Variants in ERI3 observed in about 807,000 individuals in gnomAD.
ERI3 encodes ERI1 exoribonuclease family member 3.
In ERI3, 18 loss-of-function variants were observed where a neutral mutation model predicts 44.4. The ratio of observed to expected loss-of-function variants is 0.41; its 90% CI spans 0.28 to 0.60. The LOEUF is 0.60. Among genes scored for constraint, ERI3 ranks in the 20% least tolerant of loss-of-function variants. ERI3 has a pLI of 0.36. For synonymous variants in ERI3, 183 were observed against 164.8 expected (o/e 1.11, Z -0.84); for missense variants, 294 against 435.5 (o/e 0.68, Z 2.89).
At chr1:44,296,084 GA>G (rs1435034209) in intron 6 of ERI3, among the ~76,000 whole-genome samples, 1 of 152,142 alleles carries the variant, frequency 6.6e-6, no homozygotes, top group African/African-American at 2.4e-5. Flanking sequence ...ATAGGCCCTA[GA>G]TTCCTTTATC....
At chr1:44,285,981 A>G (rs1645387046) in intron 6 of ERI3, among the ~76,000 whole-genome samples, 1 of 152,218 alleles carries the variant, frequency 6.6e-6, no homozygotes, top group South Asian at 2.1e-4. Flanking sequence ...AGAGAGAAAC[A>G]GTAGTGGAAA....
chr1:44,226,562 A>G (rs1416030010), intron 8 of ERI3, among the ~76,000 whole-genome samples: 1 of 152,034 alleles, frequency 6.6e-6, no homozygotes, highest in African/African-American at 2.4e-5. Flanking sequence ...AGGTAAGAGA[A>G]TTTTTAGGAA....
chr1:44,325,693 G>A (rs754304312), intron 3 of ERI3, among the ~76,000 whole-genome samples: 7 of 151,826 alleles, frequency 4.6e-5, no homozygotes, highest in Non-Finnish European at 8.8e-5. Flanking sequence ...ACAGGATTTC[G>A]CTCTGTCACC....
At chr1:44,354,818 C>T in intron 1 of ERI3, 74 bp downstream of exon 1, 1 of 1,307,156 alleles carries the variant, frequency 7.7e-7, no homozygotes, top group South Asian at 3.2e-5. Context: ...TGCATAAATT[C>T]TGCGCACCGC....
intron 7 of ERI3, among the ~76,000 whole-genome samples, chr1:44,258,537 C>A (rs143397209): frequency 4.6e-5 from 7 of 152,306 alleles, no homozygotes; most frequent in Non-Finnish European, 8.8e-5. Flanking sequence ...GTGCCAAGCC[C>A]TGTGCTGGGT....
Position 44,225,196 on chromosome 1 carries a change from G to A in ERI3, c.932-3556C>T, listed in dbSNP as rs138227170. On this transcript the variant is annotated intron_variant, in intron 8 of 8. Transcript: ENST00000372257. The stretch of plus-strand genomic sequence containing the variant: ...CATGAAGCTGCTGTAGGGTGGGAGT[G>A]AGGTGGCAGGGAGCACAGCCTTGCA... Among the ~76,000 whole-genome samples the A allele has an allele frequency of 2.7e-4, 41 of 152,256 alleles. No individual in the cohort carries two copies. In the South Asian group the frequency reaches 8.1e-3, roughly 30 times the overall value.
chr1:44,310,032 C>G (rs985849754), intron 5 of ERI3, among the ~76,000 whole-genome samples: 7 of 152,156 alleles, frequency 4.6e-5, no homozygotes, highest in Admixed American at 1.3e-4. Flanking sequence ...CAGTTTCCTT[C>G]ATCTATAAAA....
Position 44,221,448 on chromosome 1 carries a change from T to A in ERI3, c.*110A>T. 1.1e-6 allele frequency: 1 copy of A among 936,174 alleles called. No individual in the cohort carries two copies. Among genetic ancestry groups the A allele is most frequent in the Admixed American group, 2.1e-5 (1 of 48,468 alleles). The allele number at this position is 936,174 out of a possible 1,614,324, so 58.0% of individuals were successfully genotyped here. On this transcript the variant is annotated 3_prime_UTR_variant, in exon 9 of 9. Coordinates refer to ENST00000372257, the MANE Select transcript of ERI3 (RefSeq NM_024066.3). The surrounding 1 kb of genome is among the most constrained non-coding windows in gnomAD (Gnocchi z 5.9). ...GAGCCCACAGGGCAGCTGGGGACACTCTGGACACAGAGCTATGCCACTCTC... is the reference window on the plus strand; with the variant it reads ...GAGCCCACAGGGCAGCTGGGGACACACTGGACACAGAGCTATGCCACTCTC...
chr1:44,252,286 G>C lies in ERI3; in HGVS notation c.832-4248C>G, dbSNP rs1373379590. ...CGCACACACGCTTCCCTTCCCCTGG[G>C]CTGCTGCAATTTCCATGCACAGGGA... is the stretch of plus-strand genomic sequence containing the variant. On this transcript the variant is annotated intron_variant, in intron 7 of 8. Coordinates refer to ENST00000372257, the MANE Select transcript of ERI3 (RefSeq NM_024066.3). The surrounding 1 kb of genome is among the most constrained non-coding windows in gnomAD (Gnocchi z 4.7). Among the ~76,000 whole-genome samples the C allele has an allele frequency of 6.6e-6, 1 of 152,224 alleles. No individual in the cohort carries two copies. The highest frequency in any genetic ancestry group is 1.5e-5 in the Non-Finnish European group (1 of 68,028).
chr1:44,305,118 C>T (rs1645806093), intron 6 of ERI3, among the ~76,000 whole-genome samples: 1 of 152,196 alleles, frequency 6.6e-6, no homozygotes, highest in Admixed American at 6.5e-5. Context: ...TCTTTCCCTC[C>T]AGTCTTTCCC....
intron 8 of ERI3, among the ~76,000 whole-genome samples, chr1:44,244,763 C>T (rs1446433859): frequency 2.6e-5 from 4 of 152,226 alleles, no homozygotes; most frequent in South Asian, 2.1e-4. Flanking sequence ...AGCTTTCCCA[C>T]GCACAACCAT....
intron 8 of ERI3, among the ~76,000 whole-genome samples, chr1:44,240,610 T>C (rs1469068069): frequency 6.6e-6 from 1 of 152,228 alleles, no homozygotes; most frequent in Non-Finnish European, 1.5e-5. Flanking sequence ...CCAGTAGAGA[T>C]GACAGCCCTT....
intron 2 of ERI3, 37 bp from the exon 3 acceptor site, chr1:44,339,359 G>GAAAAAAAAAAAAAAAAAAAAAA (rs752810237): frequency 9.7e-7 from 1 of 1,031,340 alleles, no homozygotes; most frequent in Non-Finnish European, 1.3e-6. Flanking sequence ...AAAAAAAAAA[G>GAAAAAAAAAAAAAAAAAAAAAA]AAAAGAAAGA....
chr1:44,313,252 A>G (rs775992500), intron 4 of ERI3, 24 bp from the exon 5 acceptor site: 5 of 1,612,750 alleles, frequency 3.1e-6, no homozygotes, highest in Admixed American at 1.7e-5. Context: ...GAAATAGCCG[A>G]TGGGTAGAAA....
intron 7 of ERI3, among the ~76,000 whole-genome samples, chr1:44,269,362 T>C (rs969770394): frequency 4.6e-5 from 7 of 152,192 alleles, no homozygotes; most frequent in Admixed American, 4.6e-4. Context: ...TTCTCTATGT[T>C]ACACCATACT....
intron 4 of ERI3, among the ~76,000 whole-genome samples, chr1:44,315,797 C>G (rs1482249282): frequency 3.9e-5 from 6 of 152,208 alleles, no homozygotes; most frequent in Non-Finnish European, 8.8e-5. Flanking sequence ...ATTAATCCCT[C>G]CAAGGATGGA....
intron 4 of ERI3, among the ~76,000 whole-genome samples, chr1:44,316,072 G>A (rs1451249179): frequency 6.6e-6 from 1 of 151,830 alleles, no homozygotes; most frequent in African/African-American, 2.4e-5. Flanking sequence ...AGGATGCTAT[G>A]AGGGAACGAG....
intron 2 of ERI3, among the ~76,000 whole-genome samples, chr1:44,351,748 C>T (rs919098363): frequency 1.3e-5 from 2 of 152,212 alleles, no homozygotes; most frequent in African/African-American, 4.8e-5. Context: ...GTCCCCTGAC[C>T]ACTAAGTACT....
chr1:44,224,753 T>G (rs1643994668), intron 8 of ERI3, among the ~76,000 whole-genome samples: 1 of 152,160 alleles, frequency 6.6e-6, no homozygotes, highest in Non-Finnish European at 1.5e-5. Flanking sequence ...CTCCAAATTC[T>G]GACTTCAGAT....
Sources: gnomAD v4.1 joint callset for allele counts (sites outside exome capture counted in the v4.1 genomes callset) on GRCh38, gnomAD v4.1.1 for gene constraint, Gnocchi (gnomAD v3.1) non-coding constraint, MANE v1.5 for transcripts, NCBI Gene and HGNC (gene_info 2026-07-23, HGNC 2026-07-21) for gene names.